Variants in CACNA2D2 observed in about 807,000 individuals in gnomAD.
CACNA2D2 encodes the protein calcium voltage-gated channel auxiliary subunit alpha2delta 2, also known as voltage-dependent calcium channel subunit alpha-2/delta-2.
In CACNA2D2, 48 loss-of-function variants were observed where a neutral mutation model predicts 166.4. That is an observed-to-expected ratio of 0.29 (90% CI 0.23 to 0.37). The LOEUF (loss-of-function observed/expected upper bound fraction) is 0.37, where lower values mean the gene tolerates loss of function less well. Among genes scored for constraint, CACNA2D2 ranks in the 10% least tolerant of loss-of-function variants. CACNA2D2 has a pLI of 1.00. For synonymous variants in CACNA2D2, 561 were observed against 573.7 expected (o/e 0.98, Z 0.32); for missense variants, 1,122 against 1,433.0 (o/e 0.78, Z 3.50).
chr3:50,425,288 C>G (rs1018292316), intron 3 of CACNA2D2, among the ~76,000 whole-genome samples: 8 of 152,238 alleles, frequency 5.3e-5, no homozygotes, highest in African/African-American at 1.9e-4. Context: ...CTCACTCTCA[C>G]TGCTAAGCCA....
At chr3:50,498,333 G>T (rs1048369231) in intron 1 of CACNA2D2, among the ~76,000 whole-genome samples, 1 of 152,050 alleles carries the variant, frequency 6.6e-6, no homozygotes, top group Admixed American at 6.5e-5. Flanking sequence ...TCCTAGCCCT[G>T]TGAAGTCCCC....
chr3:50,366,672 C>A lies in CACNA2D2; in HGVS notation c.2590-47G>T. ...CCGTAAGCCACCCACCAGTTTTCCTCCCTCCCATCACCTTTCATACATCCG... is the reference window on the plus strand; with the variant it reads ...CCGTAAGCCACCCACCAGTTTTCCTACCTCCCATCACCTTTCATACATCCG... On this transcript the variant is annotated intron_variant, in intron 29 of 37. Coordinates refer to ENST00000424201, the MANE Select transcript of CACNA2D2 (RefSeq NM_006030.4). This position sits in a 1 kb window ranked among gnomAD's most constrained non-coding sequence, Gnocchi z 5.9. 6.2e-7 allele frequency: 1 copy of A among 1,610,518 alleles called. No homozygotes were observed. Among genetic ancestry groups the A allele is most frequent in the South Asian group, 1.1e-5 (1 of 90,994 alleles).
chr3:50,490,609 C>T (rs539396878), intron 1 of CACNA2D2, among the ~76,000 whole-genome samples: 1 of 152,366 alleles, frequency 6.6e-6, no homozygotes, highest in African/African-American at 2.4e-5. Flanking sequence ...CAAAGCCAGG[C>T]TCTGTCCCAG....
rs549780790 is a variant in CACNA2D2 at position 50,420,732 on chromosome 3, G to A, written c.405+13581C>T. On this transcript the variant is annotated intron_variant, in intron 3 of 37. Coordinates refer to ENST00000424201, the MANE Select transcript of CACNA2D2 (RefSeq NM_006030.4). ...GATCACTGGGGTTCCTGTCAGCTGT[G>A]TTTGCTGCATGCCTGGCAACTGGCA... 3.3e-4 allele frequency among the ~76,000 whole-genome samples: 51 copies of A among 152,316 alleles called. No individual in the cohort carries two copies. In the South Asian group the frequency reaches 0.01, roughly 30 times the overall value.
chr3:50,364,846 G>A, intron 37 of CACNA2D2, 40 bp from the exon 38 acceptor site: 1 of 1,613,162 alleles, frequency 6.2e-7, no homozygotes, highest in Non-Finnish European at 8.5e-7. Context: ...CTGGGCGGGC[G>A]CAAGGCCGCG....
chr3:50,450,836 G>A (rs1709064659), intron 2 of CACNA2D2, among the ~76,000 whole-genome samples: 1 of 152,126 alleles, frequency 6.6e-6, no homozygotes, highest in Non-Finnish European at 1.5e-5. Flanking sequence ...CACCGCACCA[G>A]CCACACTGGC....
At chr3:50,429,592 C>CAAAAA (rs1160685582) in intron 3 of CACNA2D2, among the ~76,000 whole-genome samples, 35 of 52,644 alleles carry the variant, frequency 6.6e-4, no homozygotes, top group African/African-American at 2.0e-3. Context: ...ACTAAAAATA[C>CAAAAA]AAAAAAAAAA....
At chr3:50,429,692 C>T (rs1449447476) in intron 3 of CACNA2D2, among the ~76,000 whole-genome samples, 3 of 150,954 alleles carry the variant, frequency 2.0e-5, no homozygotes, top group Non-Finnish European at 4.4e-5. Context: ...ATGGCGTGAA[C>T]CCGGGAGGCG....
Position 50,367,751 on chromosome 3 carries a change from C to G in CACNA2D2, c.2235-47G>C, listed in dbSNP as rs753409859. On this transcript the variant is annotated intron_variant, in intron 25 of 37. Coordinates refer to ENST00000424201, the MANE Select transcript of CACNA2D2 (RefSeq NM_006030.4). This position sits in a 1 kb window ranked among gnomAD's most constrained non-coding sequence, Gnocchi z 6.5. ...GGTCACAGGCCTGCCTTCTGCTGGG[C>G]AGGTCCAGGGCCTCTGGGCCCATCC... 2.0e-5 allele frequency: 33 copies of G among 1,612,212 alleles called. No homozygotes were observed. The South Asian group carries it at 2.6e-4, about 13-fold the overall frequency.
At chr3:50,483,687 G>A (rs897656418) in intron 1 of CACNA2D2, among the ~76,000 whole-genome samples, 5 of 152,138 alleles carry the variant, frequency 3.3e-5, no homozygotes, top group Admixed American at 6.5e-5. Context: ...TGGCCCACTC[G>A]GCTCTGCTTC....
intron 1 of CACNA2D2, among the ~76,000 whole-genome samples, chr3:50,480,235 G>A (rs1489135277): frequency 6.6e-6 from 1 of 152,206 alleles, no homozygotes; most frequent in East Asian, 1.9e-4. Context: ...GGAAGCCTCA[G>A]GGGAAAGGCA....
rs1181987855 is a variant in CACNA2D2, at chr3:50,362,875, C to G, written c.*1791G>C. 8.0e-6 allele frequency: 3 copies of G among 374,516 alleles called. No individual in the cohort carries two copies. The highest frequency in any genetic ancestry group is 1.4e-5 in the Non-Finnish European group (3 of 212,172). The allele number at this position is 374,516 out of a possible 1,614,324, so 23.2% of individuals were successfully genotyped here. A position where few individuals can be genotyped will look rare whatever the true frequency, so the allele number is the denominator to read the frequency against. ...CATTTGAAAATATTTTACAAGGAAT[C>G]ACACACACGATATTTTACAAAGTTT... On this transcript the variant is annotated 3_prime_UTR_variant, in exon 38 of 38. Coordinates refer to ENST00000424201, the MANE Select transcript of CACNA2D2 (RefSeq NM_006030.4).
At chr3:50,474,742 C>T (rs556338195) in intron 2 of CACNA2D2, among the ~76,000 whole-genome samples, 2 of 152,326 alleles carry the variant, frequency 1.3e-5, no homozygotes, top group Admixed American at 6.5e-5. Flanking sequence ...CATTAGCCCA[C>T]ACAGCTATCC....
chr3:50,378,761 G>T (rs1200272987), intron 13 of CACNA2D2, among the ~76,000 whole-genome samples, 154 bp downstream of exon 13: 1 of 152,226 alleles, frequency 6.6e-6, no homozygotes, highest in African/African-American at 2.4e-5. Context: ...TTAGCCCCCA[G>T]ATAGAGTGAG....
rs1707573122 is a variant in CACNA2D2, at chr3:50,421,773, C to G, written c.405+12540G>C. The stretch of plus-strand genomic sequence containing the variant: ...GAAAAGCTTCAAGCCCCTCAGAACT[C>G]TGGCCAGGAACATGATGCTACACTT... On this transcript the variant is annotated intron_variant, in intron 3 of 37. Transcript: ENST00000424201. 4.6e-5 allele frequency among the ~76,000 whole-genome samples: 7 copies of G among 152,186 alleles called. No individual in the cohort carries two copies. In the South Asian group the frequency reaches 1.4e-3, roughly 31 times the overall value.
intron 1 of CACNA2D2, among the ~76,000 whole-genome samples, chr3:50,501,105 T>C (rs1320792820): frequency 6.6e-6 from 1 of 152,182 alleles, no homozygotes; most frequent in Non-Finnish European, 1.5e-5. Flanking sequence ...CTGGCCACAC[T>C]GACCCAGCAG....
chr3:50,384,286 T>C lies in CACNA2D2; in HGVS notation c.562A>G (p.Arg188Gly), dbSNP rs1390242673. ...VERGSKASTLRLDFIEDPNFK... is the reference protein window; with the variant it reads ...VERGSKASTLGLDFIEDPNFK... ...TTTGGGTCCTCGATGAAGTCCAGCC[T>C]TAGGGTGCTGGCCTTAGACCCCCTT... is the stretch of plus-strand genomic sequence containing the variant. The change falls in exon 6 of 38, where the codon AGG (arginine) becomes GGG (glycine). Residue 188 changes from arginine to glycine, a missense_variant. Physicochemically the swap from Arg to Gly is moderately radical, Grantham distance 125 (BLOSUM62 -2). Around this residue, in one of 2 missense-constraint regions of CACNA2D2, gnomAD observed 840 missense variants for 1,166.8 expected, o/e 0.72. Coordinates refer to ENST00000424201, the MANE Select transcript of CACNA2D2 (RefSeq NM_006030.4). 6.2e-7 allele frequency: 1 copy of C among 1,614,146 alleles called. No individual in the cohort carries two copies. The highest frequency in any genetic ancestry group is 8.5e-7 in the Non-Finnish European group (1 of 1,179,996).
chr3:50,405,219 G>A (rs1200122181), intron 3 of CACNA2D2, among the ~76,000 whole-genome samples: 1 of 152,150 alleles, frequency 6.6e-6, no homozygotes, highest in East Asian at 1.9e-4. Context: ...GTGCCCGATG[G>A]GGCACTGGTT....
chr3:50,473,435 G>A (rs1393252644), intron 2 of CACNA2D2, among the ~76,000 whole-genome samples: 1 of 152,238 alleles, frequency 6.6e-6, no homozygotes, highest in African/African-American at 2.4e-5. Flanking sequence ...GAAGGCCAAG[G>A]GGCCTGGATG....
Sources: gnomAD v4.1 joint callset for allele counts (sites outside exome capture counted in the v4.1 genomes callset) on GRCh38, gnomAD v4.1.1 for gene constraint, gnomAD v4.1.1 regional missense constraint, Gnocchi (gnomAD v3.1) non-coding constraint, MANE v1.5 for transcripts, NCBI Gene and HGNC (gene_info 2026-07-23, HGNC 2026-07-21) for gene names.